The following NTN1 variants were observed in gnomAD, a reference collection of about 807,000 sequenced individuals.
NTN1 encodes the protein netrin-1.
NTN1 carries 11 observed loss-of-function variants against 54.2 expected under a neutral mutation model. The observed-to-expected ratio is 0.20, with a 90% CI of 0.13 to 0.34. NTN1 has a LOEUF of 0.34. NTN1 is among the 10% of genes least tolerant of loss of function. NTN1 has a pLI of 1.00. For missense variants in NTN1, 740 were observed against 893.1 expected (o/e 0.83, Z 2.18); for synonymous variants, 371 against 382.0 (o/e 0.97, Z 0.33).
intron 2 of NTN1, among the ~76,000 whole-genome samples, chr17:9,078,436 G>T (rs148098424): frequency 2.6e-5 from 4 of 152,316 alleles, no homozygotes; most frequent in African/African-American, 9.6e-5. Flanking sequence ...GTGAGGGATG[G>T]AGCGTGAGCA....
chr17:9,153,825 G>A (rs764339543), intron 2 of NTN1, among the ~76,000 whole-genome samples: 4 of 152,200 alleles, frequency 2.6e-5, no homozygotes, highest in Non-Finnish European at 4.4e-5. Context: ...TGGAACTCCA[G>A]AGAGTCCCAT....
chr17:9,190,874 A>T (rs1170715318), intron 5 of NTN1, among the ~76,000 whole-genome samples: 1 of 152,140 alleles, frequency 6.6e-6, no homozygotes, highest in African/African-American at 2.4e-5. Context: ...ATCTAGAAAC[A>T]TACTCAAATG....
intron 6 of NTN1, among the ~76,000 whole-genome samples, chr17:9,229,241 T>A (rs928084729): frequency 6.6e-5 from 10 of 152,090 alleles, no homozygotes; most frequent in Non-Finnish European, 2.9e-5. Context: ...AATTCTGATT[T>A]GCATCACCAT....
At chr17:9,116,202 C>T (rs191917671) in intron 2 of NTN1, among the ~76,000 whole-genome samples, 1 of 152,270 alleles carries the variant, frequency 6.6e-6, no homozygotes, top group Middle Eastern at 3.4e-3. Flanking sequence ...GAACATTCCA[C>T]GGGGGTGGCA....
At chr17:9,144,580 G>A (rs978784531) in intron 2 of NTN1, among the ~76,000 whole-genome samples, 1 of 152,110 alleles carries the variant, frequency 6.6e-6, no homozygotes, top group African/African-American at 2.4e-5. Context: ...GTGTTTTATG[G>A]GCCTTATCTC....
At chr17:9,205,279 G>A (rs1904937150) in intron 5 of NTN1, among the ~76,000 whole-genome samples, 3 of 152,216 alleles carry the variant, frequency 2.0e-5, no homozygotes, top group Non-Finnish European at 2.9e-5. Context: ...GATGGGGGTA[G>A]AGGAAGCTAC....
chr17:9,151,159 C>T (rs1597507020), intron 2 of NTN1, among the ~76,000 whole-genome samples: 5 of 152,110 alleles, frequency 3.3e-5, no homozygotes, highest in African/African-American at 2.4e-5. Context: ...GGTCTGGCTG[C>T]GGGGTGGGAG....
intron 2 of NTN1, among the ~76,000 whole-genome samples, chr17:9,048,967 T>C (rs1156651060): frequency 6.6e-6 from 1 of 152,248 alleles, no homozygotes; most frequent in Non-Finnish European, 1.5e-5. Flanking sequence ...AAAATGCTTC[T>C]TAAAATAAGC....
chr17:9,003,098 G>C, the NTN1 span, among the ~76,000 whole-genome samples: 1 of 152,104 alleles, frequency 6.6e-6, no homozygotes, highest in African/African-American at 2.4e-5. This position sits in a 1 kb window ranked among gnomAD's most constrained non-coding sequence, Gnocchi z 7.4. Context: ...CACTCGAACG[G>C]GAGCCGCGGA....
chr17:9,096,411 C>T (rs1397381845), intron 2 of NTN1, among the ~76,000 whole-genome samples: 1 of 122,972 alleles, frequency 8.1e-6, no homozygotes, highest in Non-Finnish European at 1.6e-5. Context: ...TGCTCTGTCG[C>T]CCAGGCTGGA....
Position 9,221,405 on chromosome 17 carries a change from T to C in NTN1, c.1486+163T>C, listed in dbSNP as rs1905349696. On this transcript the variant is annotated intron_variant, in intron 6 of 6. Transcript: ENST00000173229. The surrounding 1 kb of genome is among the most constrained non-coding windows in gnomAD (Gnocchi z 4.5). Reference sequence around the variant, plus strand: ...TCCCACGCCTGGGAATTTCTCATCTTTTCCTCCTTGGCCCTCAGAGACGGG... The same window carrying C: ...TCCCACGCCTGGGAATTTCTCATCTCTTCCTCCTTGGCCCTCAGAGACGGG... Among the ~76,000 whole-genome samples the C allele has an allele frequency of 2.0e-5, 3 of 152,182 alleles. No individual in the cohort carries two copies. The highest frequency in any genetic ancestry group is 2.0e-4 in the Admixed American group (3 of 15,286).
At chr17:9,030,755 A>T (rs190514579) in intron 2 of NTN1, among the ~76,000 whole-genome samples, 40 of 149,784 alleles carry the variant, frequency 2.7e-4, no homozygotes, top group Admixed American at 1.9e-3. Context: ...AAAAGAAAAG[A>T]AAAAAAAAAG....
chr17:9,215,941 C>T (rs1905208412), intron 5 of NTN1, among the ~76,000 whole-genome samples: 1 of 152,142 alleles, frequency 6.6e-6, no homozygotes, highest in Non-Finnish European at 1.5e-5. Context: ...TATCATGAAT[C>T]TTTGCTGCTT....
chr17:9,014,864 T>G, the NTN1 span, among the ~76,000 whole-genome samples: 1 of 152,226 alleles, frequency 6.6e-6, no homozygotes, highest in Admixed American at 6.5e-5. Context: ...AAGCCCATCT[T>G]ACCCACAGGT....
At chr17:9,056,216 C>G (rs1164228941) in intron 2 of NTN1, among the ~76,000 whole-genome samples, 1 of 152,200 alleles carries the variant, frequency 6.6e-6, no homozygotes, top group East Asian at 1.9e-4. Flanking sequence ...GCCACCACAC[C>G]TGGCTAATTT....
chr17:9,091,756 T>G (rs913172191), intron 2 of NTN1, among the ~76,000 whole-genome samples: 5 of 151,416 alleles, frequency 3.3e-5, no homozygotes, highest in African/African-American at 7.3e-5. Flanking sequence ...TCCGGCCCGT[T>G]TAGCCACTTT....
intron 3 of NTN1, among the ~76,000 whole-genome samples, chr17:9,178,523 C>G (rs542252686): frequency 6.6e-6 from 1 of 152,234 alleles, no homozygotes; most frequent in Non-Finnish European, 1.5e-5. Flanking sequence ...TGGGAGAGGT[C>G]GTGTTTTGAG....
At chr17:9,169,657 G>C (rs2092381873) in intron 3 of NTN1, among the ~76,000 whole-genome samples, 1 of 152,184 alleles carries the variant, frequency 6.6e-6, no homozygotes, top group African/African-American at 2.4e-5. Flanking sequence ...CTGAGGTCAG[G>C]ATTTTGAGAC....
chr17:9,086,799 C>T (rs1324962864), intron 2 of NTN1, among the ~76,000 whole-genome samples: 2 of 152,160 alleles, frequency 1.3e-5, no homozygotes, highest in Admixed American at 1.3e-4. Flanking sequence ...TCACCACCTG[C>T]ACCATCACCA....
Sources: allele counts gnomAD v4.1 joint callset (sites outside exome capture counted in the v4.1 genomes callset), GRCh38; gene constraint gnomAD v4.1.1; non-coding constraint Gnocchi (gnomAD v3.1); transcripts MANE v1.5; gene names NCBI Gene and HGNC (gene_info 2026-07-23, HGNC 2026-07-21).